GLYATL1: variants seen among roughly 807,000 people sequenced by gnomAD.
The protein encoded by GLYATL1 is glycine N-acyltransferase-like protein 1.
In GLYATL1, 15 loss-of-function variants were observed where a neutral mutation model predicts 20.0. That is an observed-to-expected ratio of 0.75 (90% confidence interval 0.50 to 1.15). The LOEUF is 1.15. Among genes scored for constraint, GLYATL1 ranks in the 50% most tolerant of loss-of-function variants. GLYATL1 has a pLI of 0.00. For synonymous variants in GLYATL1, 151 were observed against 131.5 expected, an observed-to-expected ratio of 1.15 and a Z score of -1.01; for missense variants, 380 against 368.5, an observed-to-expected ratio of 1.03 and a Z score of -0.26.
chr11:58,945,047 G>GTATATATATATATATTATATATAGGGGTA (rs35054821), intron 2 of GLYATL1, among the ~76,000 whole-genome samples: 5 of 144,540 alleles, frequency 3.5e-5, no homozygotes, highest in Non-Finnish European at 7.6e-5. Flanking sequence ...ATATATAGGG[G>GTATATATATATATATTATATATAGGGGTA]TATATATATA....
chr11:58,950,009 T>C (rs1856854094), intron 4 of GLYATL1, among the ~76,000 whole-genome samples: 2 of 148,566 alleles, frequency 1.3e-5, no homozygotes, highest in Non-Finnish European at 3.0e-5. Context: ...TCCTTGCCCA[T>C]ATTAATACAC....
chr11:58,912,263 G>A (rs916960054), downstream of GLYATL1, among the ~76,000 whole-genome samples: 29 of 152,180 alleles, frequency 1.9e-4, no homozygotes, highest in African/African-American at 6.5e-4. Flanking sequence ...CAGGAGACAA[G>A]GCAAGAACTA....
upstream of GLYATL1, among the ~76,000 whole-genome samples, chr11:58,937,007 T>C (rs1361553687): frequency 2.6e-5 from 4 of 152,200 alleles, no homozygotes; most frequent in Admixed American, 2.0e-4. Context: ...CAGAGGCAGA[T>C]TGTTGTTTAT....
upstream of GLYATL1, among the ~76,000 whole-genome samples, chr11:58,936,810 G>T (rs553595146): frequency 6.6e-6 from 1 of 152,130 alleles, no homozygotes; most frequent in Non-Finnish European, 1.5e-5. Context: ...CTGTGGATCC[G>T]ACACCTTCTC....
chr11:58,947,705 T>C (rs1263415837), intron 3 of GLYATL1, 153 bp from the exon 4 acceptor site: 1 of 614,534 alleles, frequency 1.6e-6, no homozygotes, highest in Non-Finnish European at 2.9e-6. Context: ...CGTCCATCAG[T>C]ATGGTCCTCT....
intron 1 of GLYATL1, among the ~76,000 whole-genome samples, chr11:58,941,714 T>G (rs1327131055): frequency 6.6e-6 from 1 of 152,182 alleles, no homozygotes; most frequent in Admixed American, 6.5e-5. Flanking sequence ...AACAGCCAAG[T>G]GCCTGAAGCA....
upstream of GLYATL1, among the ~76,000 whole-genome samples, chr11:58,925,537 C>G (rs1270282101): frequency 6.6e-6 from 1 of 151,976 alleles, no homozygotes; most frequent in Non-Finnish European, 1.5e-5. Flanking sequence ...TTTTGTGTCT[C>G]TTTCTGATCT....
chr11:58,937,903 A>G (rs966971807), upstream of GLYATL1, among the ~76,000 whole-genome samples: 2 of 152,198 alleles, frequency 1.3e-5, no homozygotes, highest in African/African-American at 4.8e-5. Flanking sequence ...GTGGGGCTCC[A>G]TCAACCTCCC....
At chr11:58,938,590 C>T (rs576568267), upstream of GLYATL1, among the ~76,000 whole-genome samples, 3 of 152,098 alleles carry the variant, frequency 2.0e-5, no homozygotes, top group East Asian at 1.9e-4. Flanking sequence ...AAGCTAGGCC[C>T]GGAGAGCCCT....
chr11:58,916,656 C>A (rs1315844517), intron 1 of GLYATL1, among the ~76,000 whole-genome samples: 2 of 152,218 alleles, frequency 1.3e-5, no homozygotes, highest in Non-Finnish European at 2.9e-5. Context: ...TCAAAGCCTT[C>A]CTCTGAGGTT....
intron 1 of GLYATL1, among the ~76,000 whole-genome samples, chr11:58,914,064 G>T (rs1260789267): frequency 6.6e-6 from 1 of 152,128 alleles, no homozygotes; most frequent in African/African-American, 2.4e-5. Flanking sequence ...CCCTGGCCAG[G>T]CTTAGATGTA....
upstream of GLYATL1, among the ~76,000 whole-genome samples, chr11:58,925,099 C>G (rs1855397489): frequency 6.6e-6 from 1 of 151,974 alleles, no homozygotes; most frequent in Non-Finnish European, 1.5e-5. Context: ...TCTTTCCATC[C>G]TTGGATGAGG....
upstream of GLYATL1, among the ~76,000 whole-genome samples, chr11:58,935,864 C>A (rs538194216): frequency 8.5e-5 from 13 of 152,228 alleles, no homozygotes; most frequent in Admixed American, 3.3e-4. Flanking sequence ...TGTATGTATT[C>A]ACCTCTATAT....
chr11:58,933,521 C>T (rs1855692313), intron 1 of GLYATL1: 1 of 152,100 alleles, frequency 6.6e-6, no homozygotes, highest in Non-Finnish European at 1.5e-5. Context: ...TTTTAGTCAT[C>T]TATCTGGGTT....
chr11:58,942,368 A>T (rs1856220221), intron 1 of GLYATL1, among the ~76,000 whole-genome samples: 1 of 152,234 alleles, frequency 6.6e-6, no homozygotes, highest in African/African-American at 2.4e-5. Context: ...CCTTGAAAAG[A>T]TAGTCAGGAG....
chr11:58,923,398 T>C (rs1020136314), upstream of GLYATL1, among the ~76,000 whole-genome samples: 7 of 152,292 alleles, frequency 4.6e-5, no homozygotes, highest in South Asian at 4.1e-4. Context: ...AGGTTTCTCA[T>C]TGGTTACTTT....
At chr11:58,946,897 ACTTAGTCC>A in intron 2 of GLYATL1, 141 bp from the exon 3 acceptor site, 1 of 681,364 alleles carries the variant, frequency 1.5e-6, no homozygotes, top group Non-Finnish European at 2.6e-6. Flanking sequence ...TGAGAAATTT[ACTTAGTCC>A]CTCTGAGATT....
intron 4 of GLYATL1, among the ~76,000 whole-genome samples, chr11:58,948,947 T>C (rs1284311391): frequency 6.6e-6 from 1 of 152,186 alleles, no homozygotes; most frequent in Non-Finnish European, 1.5e-5. Flanking sequence ...CATCATCCGT[T>C]AAAATGGGGA....
At chr11:58,917,341 T>G (rs1222918585) in intron 1 of GLYATL1, 1 of 152,242 alleles carries the variant, frequency 6.6e-6, no homozygotes, top group East Asian at 1.9e-4. Flanking sequence ...GGATTTTTAC[T>G]GAGTGCACTC....
Sources: gnomAD v4.1 joint callset for allele counts (sites outside exome capture counted in the v4.1 genomes callset) on GRCh38, gnomAD v4.1.1 for gene constraint, MANE v1.5 for transcripts, NCBI Gene and HGNC (gene_info 2026-07-23, HGNC 2026-07-21) for gene names.